The following RBFOX1 variants were observed in gnomAD, a reference collection of about 807,000 sequenced individuals.
RBFOX1 encodes RNA binding protein fox-1 homolog 1.
A neutral mutation model predicts 57.7 loss-of-function variants in RBFOX1; 8 were observed. The observed-to-expected ratio is 0.14, with a 90% CI of 0.08 to 0.25. The LOEUF (loss-of-function observed/expected upper bound fraction) is 0.25, where lower values mean the gene tolerates loss of function less well. RBFOX1 is among the 10% of genes least tolerant of loss of function. RBFOX1 has a pLI of 1.00. For synonymous variants in RBFOX1, 326 were observed against 222.4 expected, an observed-to-expected ratio of 1.47 and a Z score of -4.15; for missense variants, 611 against 548.5, an observed-to-expected ratio of 1.11 and a Z score of -1.14.
At chr16:5,550,310 T>A (rs2045410628) in intron 2 of RBFOX1, among the ~76,000 whole-genome samples, 1 of 152,152 alleles carries the variant, frequency 6.6e-6, no homozygotes, top group Admixed American at 6.5e-5. Flanking sequence ...ACCAAGTGTC[T>A]GTGAATCCAT....
At chr16:6,398,599 C>T (rs751282017) in intron 2 of RBFOX1, among the ~76,000 whole-genome samples, 4 of 152,184 alleles carry the variant, frequency 2.6e-5, no homozygotes, top group Non-Finnish European at 4.4e-5. Context: ...TTAGGGCAGT[C>T]TTTAAACATT....
chr16:5,929,315 CCTCTCTCTCT>C (rs112397291), intron 4 of RBFOX1, among the ~76,000 whole-genome samples: 10 of 148,022 alleles, frequency 6.8e-5, no homozygotes, highest in East Asian at 5.9e-4. Flanking sequence ...CAGTCTTAAG[CCTCTCTCTCT>C]CTCTCTCTCT....
chr16:6,867,630 G>C (rs929077632), intron 3 of RBFOX1, among the ~76,000 whole-genome samples: 1 of 152,048 alleles, frequency 6.6e-6, no homozygotes, highest in Non-Finnish European at 1.5e-5. Context: ...CAGGCAGCAG[G>C]ATCGCTTGAA....
chr16:7,062,964 A>T (rs1299273496), intron 4 of RBFOX1, among the ~76,000 whole-genome samples: 2 of 117,620 alleles, frequency 1.7e-5, no homozygotes, highest in South Asian at 2.6e-4. Context: ...TTTTTCTGTG[A>T]TCGAAGAATC....
At chr16:7,481,961 G>C (rs2064062442) in intron 4 of RBFOX1, among the ~76,000 whole-genome samples, 1 of 152,158 alleles carries the variant, frequency 6.6e-6, no homozygotes, top group Non-Finnish European at 1.5e-5. Flanking sequence ...TGGTTATTAT[G>C]AGAACGCGAG....
chr16:7,121,262 A>G lies in RBFOX1; in HGVS notation c.27+69164A>G, dbSNP rs76154559. ...CCACATAGTACTGGAAATCTTACTC[A>G]CTACAATAAGGAAGAAAAAGAATTA... On this transcript the variant is annotated intron_variant, in intron 4 of 15. Transcript: ENST00000550418. Among the ~76,000 whole-genome samples, 1,203 of 152,186 alleles carry G rather than the reference A, an allele frequency of 7.9e-3. 7 individuals carry two copies. The highest frequency in any genetic ancestry group is 0.028 in the African/African-American group (1,149 of 41,538).
chr16:7,257,639 T>G (rs188543191), intron 4 of RBFOX1, among the ~76,000 whole-genome samples: 3 of 152,262 alleles, frequency 2.0e-5, no homozygotes, highest in Admixed American at 2.0e-4. Context: ...AAAGTGAGAT[T>G]GTACTCCCAA....
At chr16:5,986,229 A>G (rs147880910) in intron 4 of RBFOX1, among the ~76,000 whole-genome samples, 30 of 152,080 alleles carry the variant, frequency 2.0e-4, no homozygotes, top group Non-Finnish European at 3.7e-4. Context: ...CCAGCTGGCT[A>G]ATTTTTGTAT....
chr16:6,128,643 A>C (rs1424776984), intron 1 of RBFOX1, among the ~76,000 whole-genome samples: 3 of 152,214 alleles, frequency 2.0e-5, no homozygotes, highest in Non-Finnish European at 4.4e-5. Flanking sequence ...GCCACAAAAG[A>C]GGAATATGTG....
chr16:6,632,512 A>G (rs553515943), intron 2 of RBFOX1, among the ~76,000 whole-genome samples: 103 of 152,316 alleles, frequency 6.8e-4, no homozygotes, highest in African/African-American at 2.4e-3. Context: ...CATGTGCAGA[A>G]TAAAAGTCCA....
intron 1 of RBFOX1, among the ~76,000 whole-genome samples, chr16:6,310,689 C>G (rs981328150): frequency 9.2e-5 from 14 of 152,256 alleles, no homozygotes; most frequent in Admixed American, 8.5e-4. Flanking sequence ...TGTACTGTCA[C>G]TCATGAATAT....
intron 5 of RBFOX1, among the ~76,000 whole-genome samples, chr16:7,571,765 G>A (rs2092800309): frequency 6.6e-6 from 1 of 152,104 alleles, no homozygotes; most frequent in African/African-American, 2.4e-5. Flanking sequence ...TCCCATCTGT[G>A]TAGGGTCCTG....
intron 3 of RBFOX1, among the ~76,000 whole-genome samples, chr16:6,922,800 G>C (rs921726147): frequency 1.3e-5 from 2 of 152,092 alleles, no homozygotes; most frequent in African/African-American, 2.4e-5. Flanking sequence ...GGAGGTCAGC[G>C]TTCATCACAG....
chr16:6,761,441 G>C (rs561566580), intron 3 of RBFOX1, among the ~76,000 whole-genome samples: 2 of 124,226 alleles, frequency 1.6e-5, no homozygotes, highest in South Asian at 5.5e-4. Flanking sequence ...CAGTTTTCCT[G>C]TTAGTTTTTA....
At chr16:5,915,388 C>G (rs1343880248) in intron 4 of RBFOX1, among the ~76,000 whole-genome samples, 1 of 152,186 alleles carries the variant, frequency 6.6e-6, no homozygotes, top group African/African-American at 2.4e-5. Flanking sequence ...GACTAAAATG[C>G]CACTCAACAC....
chr16:6,655,852 G>A (rs1252050454), intron 3 of RBFOX1, among the ~76,000 whole-genome samples: 1 of 152,158 alleles, frequency 6.6e-6, no homozygotes, highest in Non-Finnish European at 1.5e-5. Flanking sequence ...TATCATGACT[G>A]GGGCATGTCT....
intron 4 of RBFOX1, among the ~76,000 whole-genome samples, chr16:7,325,595 CG>C (rs1224080801): frequency 1.3e-5 from 2 of 152,128 alleles, no homozygotes; most frequent in African/African-American, 2.4e-5. Context: ...TTCTCTTCTC[CG>C]GGTGTCTTTT....
At chr16:5,722,588 A>T (rs1322423538) in intron 3 of RBFOX1, among the ~76,000 whole-genome samples, 2 of 152,156 alleles carry the variant, frequency 1.3e-5, no homozygotes, top group African/African-American at 4.8e-5. Flanking sequence ...AGGCATCTTT[A>T]TCAGTGAAAT....
At chr16:7,262,410 G>T (rs919311154) in intron 4 of RBFOX1, among the ~76,000 whole-genome samples, 1 of 151,890 alleles carries the variant, frequency 6.6e-6, no homozygotes, top group Non-Finnish European at 1.5e-5. Flanking sequence ...TGGAAAATAC[G>T]GCACTGAAAA....
Sources: allele counts gnomAD v4.1 joint callset (sites outside exome capture counted in the v4.1 genomes callset), GRCh38; gene constraint gnomAD v4.1.1; transcripts MANE v1.5; gene names NCBI Gene and HGNC (gene_info 2026-07-23, HGNC 2026-07-21).